The following UNC5D variants were observed in gnomAD, a reference collection of about 807,000 sequenced individuals.
UNC5D encodes the protein netrin receptor UNC5D.
Under a neutral mutation model 105.4 loss-of-function variants are expected in UNC5D, and 39 were observed. The ratio of observed to expected loss-of-function variants is 0.37; its 90% CI spans 0.29 to 0.48. UNC5D has a LOEUF of 0.48. Ranked by LOEUF, UNC5D falls within the 20% of genes least tolerant of loss-of-function variation. The pLI is 0.98. For missense variants in UNC5D, 991 were observed against 1,202.4 expected (o/e 0.82, Z 2.60); for synonymous variants, 452 against 450.4 (o/e 1.00, Z -0.04).
chr8:35,599,354 G>C (rs1368960563), intron 4 of UNC5D, among the ~76,000 whole-genome samples: 1 of 152,018 alleles, frequency 6.6e-6, no homozygotes, highest in East Asian at 1.9e-4. Flanking sequence ...AATGCTAAGA[G>C]TAGATTTTAA....
At chr8:35,386,527 GA>G (rs1393938084) in intron 1 of UNC5D, among the ~76,000 whole-genome samples, 4 of 151,858 alleles carry the variant, frequency 2.6e-5, no homozygotes, top group South Asian at 2.1e-4. Flanking sequence ...CCTGAGGAGG[GA>G]AAAAAAACGT....
rs780165071 is a variant in UNC5D, at chr8:35,669,176, T to C, written c.571-14371T>C. On this transcript the variant is annotated intron_variant, in intron 4 of 16. Coordinates refer to ENST00000404895, the MANE Select transcript of UNC5D (RefSeq NM_080872.4). ...TCATGACTTATCTGTGTTGAAGATA[T>C]TTATTTCAATGCCTTATGTGCATTT... 1.1e-3 allele frequency among the ~76,000 whole-genome samples: 160 copies of C among 152,328 alleles called. 1 individual carries two copies. The highest frequency in any genetic ancestry group is 3.7e-3 in the African/African-American group (153 of 41,580).
chr8:35,758,968 G>C (rs1275274901), intron 13 of UNC5D, among the ~76,000 whole-genome samples: 4 of 152,184 alleles, frequency 2.6e-5, no homozygotes, highest in Admixed American at 6.5e-5. Context: ...CTTGATTGTG[G>C]TCAGAGAGTG....
chr8:35,661,565 G>T (rs140656680), intron 4 of UNC5D, among the ~76,000 whole-genome samples: 1 of 152,092 alleles, frequency 6.6e-6, no homozygotes, highest in African/African-American at 2.4e-5. Flanking sequence ...ACTTAATGCC[G>T]GTTTCCTTAG....
intron 1 of UNC5D, among the ~76,000 whole-genome samples, chr8:35,414,317 A>G (rs1416335784): frequency 6.6e-6 from 1 of 152,122 alleles, no homozygotes; most frequent in Non-Finnish European, 1.5e-5. Flanking sequence ...TAGTTGTCCT[A>G]AAGTTTCAAA....
At chr8:35,579,608 T>G (rs1312184810) in intron 3 of UNC5D, among the ~76,000 whole-genome samples, 6 of 151,928 alleles carry the variant, frequency 3.9e-5, no homozygotes, top group African/African-American at 1.5e-4. Flanking sequence ...AGTGTTTGAG[T>G]CCATCCATCC....
chr8:35,670,855 A>G (rs1487013415), intron 4 of UNC5D, among the ~76,000 whole-genome samples: 1 of 152,196 alleles, frequency 6.6e-6, no homozygotes, highest in Non-Finnish European at 1.5e-5. Flanking sequence ...CTGCACATGT[A>G]TCCTGGAACT....
chr8:35,248,683 T>G (rs1164081501), intron 1 of UNC5D, among the ~76,000 whole-genome samples: 1 of 96,248 alleles, frequency 1.0e-5, no homozygotes, highest in Non-Finnish European at 1.7e-5. Context: ...ATATATAATA[T>G]ATATAAAATA....
chr8:35,459,048 A>G (rs1808695425), intron 1 of UNC5D, among the ~76,000 whole-genome samples: 3 of 152,102 alleles, frequency 2.0e-5, no homozygotes, highest in Admixed American at 1.3e-4. Context: ...ATGTATGGGG[A>G]AGACATTTCA....
At chr8:35,548,675 G>T (rs934696436) in intron 1 of UNC5D, among the ~76,000 whole-genome samples, 2 of 152,214 alleles carry the variant, frequency 1.3e-5, no homozygotes, top group African/African-American at 4.8e-5. Context: ...GCGGAAGGTT[G>T]CTGGGGGCAG....
intron 1 of UNC5D, among the ~76,000 whole-genome samples, chr8:35,238,515 AG>A (rs1802608641): frequency 6.6e-6 from 1 of 152,182 alleles, no homozygotes; most frequent in Admixed American, 6.5e-5. Flanking sequence ...ACTTAAAAGG[AG>A]GTTGTTTAAA....
intron 1 of UNC5D, among the ~76,000 whole-genome samples, chr8:35,270,640 T>A (rs1290993267): frequency 6.6e-6 from 1 of 152,316 alleles, no homozygotes; most frequent in East Asian, 1.9e-4. Flanking sequence ...TTTAGTATAT[T>A]CTTCAAATTA....
chr8:35,593,088 A>ACACAC (rs1554569636), intron 3 of UNC5D, among the ~76,000 whole-genome samples: 1 of 137,836 alleles, frequency 7.3e-6, no homozygotes, highest in Non-Finnish European at 1.6e-5. Flanking sequence ...CACACACACA[A>ACACAC]ATATGTAAAT....
chr8:35,343,400 A>G (rs1308254000), intron 1 of UNC5D, among the ~76,000 whole-genome samples: 1 of 152,096 alleles, frequency 6.6e-6, no homozygotes, highest in Non-Finnish European at 1.5e-5. Context: ...ATATCTTGTA[A>G]AAACATCTGA....
intron 1 of UNC5D, among the ~76,000 whole-genome samples, chr8:35,281,975 G>A (rs1255645673): frequency 6.6e-6 from 1 of 152,090 alleles, no homozygotes; most frequent in African/African-American, 2.4e-5. Flanking sequence ...CATGTACTCG[G>A]TTATTCTTTT....
intron 9 of UNC5D, among the ~76,000 whole-genome samples, chr8:35,724,456 G>C (rs1288466746): frequency 1.3e-5 from 2 of 152,140 alleles, no homozygotes; most frequent in Non-Finnish European, 2.9e-5. Context: ...ACACAGAACA[G>C]ACTAGGGACT....
At chr8:35,469,220 G>A (rs147157115) in intron 1 of UNC5D, among the ~76,000 whole-genome samples, 4 of 152,238 alleles carry the variant, frequency 2.6e-5, no homozygotes, top group South Asian at 4.2e-4. Context: ...GTTAATACTC[G>A]AAGTCAAATA....
At chr8:35,774,790 G>T (rs921205169) in intron 16 of UNC5D, among the ~76,000 whole-genome samples, 1 of 152,066 alleles carries the variant, frequency 6.6e-6, no homozygotes, top group African/African-American at 2.4e-5. Context: ...AGCTGGGCAT[G>T]GTGGTGCACG....
chr8:35,254,471 C>G (rs374972285), intron 1 of UNC5D: 1 of 152,006 alleles, frequency 6.6e-6, no homozygotes, highest in Non-Finnish European at 1.5e-5. Flanking sequence ...AAGTGTAAAG[C>G]AATATGAAGA....
Sources: gnomAD v4.1 joint callset for allele counts (sites outside exome capture counted in the v4.1 genomes callset) on GRCh38, gnomAD v4.1.1 for gene constraint, MANE v1.5 for transcripts, NCBI Gene and HGNC (gene_info 2026-07-23, HGNC 2026-07-21) for gene names.